TRPV3: variants seen among roughly 807,000 people sequenced by gnomAD.
TRPV3 encodes the protein transient receptor potential cation channel subfamily V member 3.
In TRPV3, 88 loss-of-function variants were observed where a neutral mutation model predicts 87.1. The observed-to-expected ratio is 1.01, with a 90% CI of 0.85 to 1.21. The LOEUF (loss-of-function observed/expected upper bound fraction) is 1.21, where lower values mean the gene tolerates loss of function less well. Ranked by LOEUF, TRPV3 falls within the 50% of genes most tolerant of loss-of-function variation. The pLI is 0.00. For missense variants in TRPV3, 1,054 were observed against 1,030.1 expected, an observed-to-expected ratio of 1.02 and a Z score of -0.32; for synonymous variants, 438 against 423.3, an observed-to-expected ratio of 1.03 and a Z score of -0.43.
In TRPV3 at chr17:3,530,777, C is replaced by T. The variant is rs1476258863; in HGVS notation, c.1066-574G>A. On this transcript the variant is annotated intron_variant, in intron 8 of 17. Transcript: ENST00000576742. The surrounding 1 kb of genome is among the most constrained non-coding windows in gnomAD (Gnocchi z 4.0). ...AACTTAGAAATTCCCACAGCATGGC[C>T]AGGTGCAGTAGCTCACGCCTGTAAT... 6.6e-6 allele frequency among the ~76,000 whole-genome samples: 1 copy of T among 152,162 alleles called. No individual in the cohort carries two copies. Among genetic ancestry groups the T allele is most frequent in the Non-Finnish European group, 1.5e-5 (1 of 68,038 alleles).
rs931576058 is a variant in TRPV3, at chr17:3,530,511, C to A, written c.1066-308G>T. Among the ~76,000 whole-genome samples the A allele has an allele frequency of 6.6e-6, 1 of 152,186 alleles. No individual in the cohort carries two copies. The highest frequency in any genetic ancestry group is 1.5e-5 in the Non-Finnish European group (1 of 68,024). On this transcript the variant is annotated intron_variant, in intron 8 of 17. Transcript: ENST00000576742. This position sits in a 1 kb window ranked among gnomAD's most constrained non-coding sequence, Gnocchi z 4.0. Reference sequence around the variant, plus strand: ...CCTCACGCCAGCTGGGGACCCGGTTCGGTGAAAAATCCAGGCACTGATGAT... The same window carrying A: ...CCTCACGCCAGCTGGGGACCCGGTTAGGTGAAAAATCCAGGCACTGATGAT...
At chr17:3,519,737 G>GATAGATCA (rs2074224454) in intron 14 of TRPV3, among the ~76,000 whole-genome samples, 1 of 149,502 alleles carries the variant, frequency 6.7e-6, no homozygotes, top group Non-Finnish European at 1.5e-5. Flanking sequence ...TGGATGGATG[G>GATAGATCA]ATGGATGGAT....
At chr17:3,525,240 G>A (rs538766508) in intron 12 of TRPV3, among the ~76,000 whole-genome samples, 20 of 152,244 alleles carry the variant, frequency 1.3e-4, no homozygotes, top group Admixed American at 6.5e-4. Flanking sequence ...GGCTGGTCTC[G>A]AACTTCTGAC....
At chr17:3,526,494 A>C (rs998769544) in intron 12 of TRPV3, among the ~76,000 whole-genome samples, 1 of 147,988 alleles carries the variant, frequency 6.8e-6, no homozygotes, top group Non-Finnish European at 1.5e-5. Context: ...AAAAAAAAAA[A>C]CAACAACGTA....
At position 3,528,828 on chromosome 17, in the gene TRPV3, C is replaced by A. The variant is rs550564945; in HGVS notation, c.1401+9G>T. The stretch of plus-strand genomic sequence containing the variant: ...GGCCCCATTTTCCCCCTCCAAGGGG[C>A]CCACGTACCTCCTCCTCCCGGGGGC... On this transcript the variant is annotated intron_variant, in intron 10 of 17. Coordinates refer to ENST00000576742, the MANE Select transcript of TRPV3 (RefSeq NM_145068.4). The surrounding 1 kb of genome is among the most constrained non-coding windows in gnomAD (Gnocchi z 4.2). The A allele has an allele frequency of 1.7e-5, 27 of 1,614,004 alleles. No homozygotes were observed. In the South Asian group the frequency reaches 2.5e-4, roughly 15 times the overall value.
chr17:3,528,880 ATGT>A lies in TRPV3; in HGVS notation c.1355_1357del (p.Asn452del), dbSNP rs2074324023. 2.5e-6 allele frequency: 4 copies of A among 1,614,138 alleles called. No individual in the cohort carries two copies. The highest frequency in any genetic ancestry group is 1.1e-5 in the South Asian group (1 of 91,078). On this transcript the variant is annotated inframe_deletion, in exon 10 of 18. Coordinates refer to ENST00000576742, the MANE Select transcript of TRPV3 (RefSeq NM_145068.4). The surrounding 1 kb of genome is among the most constrained non-coding windows in gnomAD (Gnocchi z 4.2). ...GTAGTACGAGACGAGGGTCAGGGTG[ATGT>A]TGTAGAAGAAATAAAAGCAGAAGGA...
At position 3,543,616 on chromosome 17, in the gene TRPV3, G is replaced by A. The variant is rs748156257; in HGVS notation, c.324C>T (p.Ala108=). ...SNPNSPSAQL[A]KEEQRRKKRR... ...TCTTTTTCCTCCTCTGCTCTTCCTT[G>A]GCCAGCTGTGCACTGAAGCCAGAAA... is the stretch of plus-strand genomic sequence containing the variant. Residue 108 remains alanine, a synonymous_variant, in exon 5 of 18, where the codon GCC becomes GCT. Coordinates refer to ENST00000576742, the MANE Select transcript of TRPV3 (RefSeq NM_145068.4). The A allele has an allele frequency of 6.2e-7, 1 of 1,614,036 alleles. No individual in the cohort carries two copies. Among genetic ancestry groups the A allele is most frequent in the South Asian group, 1.1e-5 (1 of 91,084 alleles).
In TRPV3 at chr17:3,518,960, A is replaced by T; in HGVS notation, c.1811-110T>A. ...GCCTGCTGCCTCCTTCTCTCTGGCC[A>T]TTAAATCCCATCTCCAGTTTCAGGT... On this transcript the variant is annotated intron_variant, in intron 14 of 17. Coordinates refer to ENST00000576742, the MANE Select transcript of TRPV3 (RefSeq NM_145068.4). This position sits in a 1 kb window ranked among gnomAD's most constrained non-coding sequence, Gnocchi z 4.3. 1 of 1,201,370 alleles carries T rather than the reference A, an allele frequency of 8.3e-7. No homozygotes were observed. Among genetic ancestry groups the T allele is most frequent in the Non-Finnish European group, 1.1e-6 (1 of 875,588 alleles). The allele number at this position is 1,201,370 out of a possible 1,614,324, so 74.4% of individuals were successfully genotyped here.
intron 1 of TRPV3, among the ~76,000 whole-genome samples, chr17:3,555,186 A>G (rs1374197799): frequency 6.6e-6 from 1 of 151,944 alleles, no homozygotes; most frequent in African/African-American, 2.4e-5. Context: ...TGGAGAGTCC[A>G]GCAGGGTGTC....
intron 16 of TRPV3, among the ~76,000 whole-genome samples, chr17:3,515,315 C>A (rs891125254): frequency 1.3e-5 from 2 of 152,106 alleles, no homozygotes; most frequent in African/African-American, 4.8e-5. Flanking sequence ...AGAAGGTGGT[C>A]TGTAGGCTCA....
chr17:3,513,732 A>G lies in TRPV3; in HGVS notation c.*185T>C, dbSNP rs1215118191. The G allele has an allele frequency of 1.9e-6, 1 of 519,166 alleles. No homozygotes were observed. Among genetic ancestry groups the G allele is most frequent in the Non-Finnish European group, 3.4e-6 (1 of 293,224 alleles). 32.2% of individuals were successfully genotyped at this position (519,166 alleles called of 1,614,324 possible). A position where few individuals can be genotyped will look rare whatever the true frequency, so the allele number is the denominator to read the frequency against. ...AGTAACAAAATCCAGGATGTTTCCCACTCAGACAAATTGACAACTGCCCCT... is the reference window on the plus strand; with the variant it reads ...AGTAACAAAATCCAGGATGTTTCCCGCTCAGACAAATTGACAACTGCCCCT... On this transcript the variant is annotated 3_prime_UTR_variant, in exon 18 of 18. Coordinates refer to ENST00000576742, the MANE Select transcript of TRPV3 (RefSeq NM_145068.4).
At chr17:3,514,240 G>C (rs920000507) in intron 17 of TRPV3, 5 of 485,684 alleles carry the variant, frequency 1.0e-5, no homozygotes, top group African/African-American at 9.7e-5. Context: ...CACCACGTTC[G>C]GCTAATTTTT....
rs141257421 is a variant in TRPV3, at chr17:3,541,760, G to A, written c.643+762C>T. On this transcript the variant is annotated intron_variant, in intron 6 of 17. Coordinates refer to ENST00000576742, the MANE Select transcript of TRPV3 (RefSeq NM_145068.4). ...CCATGCCAAGCTCAATCCCATCTTG[G>A]GGCTTTCGCCCTGATCCTTCTCATC... Among the ~76,000 whole-genome samples the A allele has an allele frequency of 4.2e-3, 632 of 152,210 alleles. 4 individuals carry two copies. Among genetic ancestry groups the A allele is most frequent in the African/African-American group, 0.014 (580 of 41,526 alleles).
chr17:3,518,018 C>T lies in TRPV3; in HGVS notation c.2085+558G>A. ...ATTTTTAGTAGCGATGAGGTTTCAC[C>T]ATGTTGGCCAAGCTGGGCTCGAACT... On this transcript the variant is annotated intron_variant, in intron 15 of 17. Transcript: ENST00000576742. This position sits in a 1 kb window ranked among gnomAD's most constrained non-coding sequence, Gnocchi z 4.3. Among the ~76,000 whole-genome samples the T allele has an allele frequency of 6.6e-6, 1 of 151,944 alleles. No homozygotes were observed. Among genetic ancestry groups the T allele is most frequent in the East Asian group, 1.9e-4 (1 of 5,152 alleles).
At position 3,541,791 on chromosome 17, in the gene TRPV3, G is replaced by T. The variant is rs150384462; in HGVS notation, c.643+731C>A. On this transcript the variant is annotated intron_variant, in intron 6 of 17. Coordinates refer to ENST00000576742, the MANE Select transcript of TRPV3 (RefSeq NM_145068.4). ...TCGCCCTGATCCTTCTCATCATGTC[G>T]GCCTCAGGCCAAAGATGACCACTCT... is the stretch of plus-strand genomic sequence containing the variant. 1.5e-3 allele frequency among the ~76,000 whole-genome samples: 223 copies of T among 152,108 alleles called. 1 individual carries two copies. The highest frequency in any genetic ancestry group is 4.2e-3 in the African/African-American group (173 of 41,488).
chr17:3,539,355 T>G (rs2074437771), intron 6 of TRPV3, among the ~76,000 whole-genome samples: 1 of 150,990 alleles, frequency 6.6e-6, no homozygotes. Flanking sequence ...TCTATTCATG[T>G]GACGTGGATG....
chr17:3,554,831 T>C lies in TRPV3; in HGVS notation c.20A>G (p.Glu7Gly), dbSNP rs779977306. 57 of 1,611,474 alleles carry C rather than the reference T, an allele frequency of 3.5e-5. No individual in the cohort carries two copies. The highest frequency in any genetic ancestry group is 4.7e-5 in the Non-Finnish European group (55 of 1,179,136). MKAHPK[E>G]MVPLMGKRVA... is the part of the protein sequence containing the mutation. Reference sequence around the variant, plus strand: ...TCTCTTGCCCATGAGAGGCACCATCTCCTTGGGGTGGGCTTTCATGGCTGG... The same window carrying C: ...TCTCTTGCCCATGAGAGGCACCATCCCCTTGGGGTGGGCTTTCATGGCTGG... Residue 7 changes from glutamate to glycine, a missense_variant, in exon 2 of 18, where the codon GAG (glutamate) becomes GGG (glycine). Transcript: ENST00000576742.
intron 7 of TRPV3, 52 bp downstream of exon 7, chr17:3,535,521 G>T: frequency 3.3e-6 from 4 of 1,199,964 alleles, no homozygotes; most frequent in Non-Finnish European, 4.2e-6. Context: ...TTCCTCTCCC[G>T]TCTCCCTCCT....
In TRPV3 at chr17:3,525,162, G is replaced by GACGT. The variant is rs1389038725; in HGVS notation, c.1578-800_1578-799insACGT. Among the ~76,000 whole-genome samples, 157 of 150,276 alleles carry GACGT rather than the reference G, an allele frequency of 1.0e-3. 5 individuals carry two copies. In the South Asian group the frequency reaches 0.032, roughly 30 times the overall value. On this transcript the variant is annotated intron_variant, in intron 12 of 17. Coordinates refer to ENST00000576742, the MANE Select transcript of TRPV3 (RefSeq NM_145068.4). ...AGCCTCCCTAGTAGCTGGGATTACA[G>GACGT]GCACCCGCCACCACACCAGGCTCAT...
Sources: gnomAD v4.1 joint callset for allele counts (sites outside exome capture counted in the v4.1 genomes callset) on GRCh38, gnomAD v4.1.1 for gene constraint, Gnocchi (gnomAD v3.1) non-coding constraint, MANE v1.5 for transcripts, NCBI Gene and HGNC (gene_info 2026-07-23, HGNC 2026-07-21) for gene names.